Variants in CCDC91 observed in about 807,000 individuals in gnomAD.
CCDC91 encodes the protein coiled-coil domain-containing protein 91.
In CCDC91, 48 loss-of-function variants were observed where a neutral mutation model predicts 63.2. The ratio of observed to expected loss-of-function variants is 0.76; its 90% confidence interval spans 0.60 to 0.97. The LOEUF (loss-of-function observed/expected upper bound fraction) is 0.97. Among genes scored for constraint, CCDC91 ranks in the 50% least tolerant of loss-of-function variants. The pLI is 0.00. For synonymous variants in CCDC91, 167 were observed against 165.8 expected, an observed-to-expected ratio of 1.01 and a Z score of -0.06; for missense variants, 500 against 494.6, an observed-to-expected ratio of 1.01 and a Z score of -0.10.
At chr12:28,393,512 A>G (rs1315308656) in intron 8 of CCDC91, among the ~76,000 whole-genome samples, 2 of 151,952 alleles carry the variant, frequency 1.3e-5, no homozygotes, top group Non-Finnish European at 1.5e-5. Flanking sequence ...TGTTCATTTT[A>G]TCAAACTAGG....
chr12:28,494,626 G>A (rs1952184743), intron 12 of CCDC91, among the ~76,000 whole-genome samples: 1 of 151,784 alleles, frequency 6.6e-6, no homozygotes, highest in African/African-American at 2.4e-5. Flanking sequence ...CATACGTGAT[G>A]GTGAGACACT....
At chr12:28,375,340 C>T (rs888956882) in intron 7 of CCDC91, among the ~76,000 whole-genome samples, 15 of 150,924 alleles carry the variant, frequency 9.9e-5, no homozygotes, top group South Asian at 2.1e-4. Flanking sequence ...AATACTTTTT[C>T]ATTATCTCAT....
At chr12:28,426,578 T>G (rs1364660532) in intron 8 of CCDC91, among the ~76,000 whole-genome samples, 1 of 152,158 alleles carries the variant, frequency 6.6e-6, no homozygotes, top group Non-Finnish European at 1.5e-5. Context: ...GTTTGTAATT[T>G]TTGCCTTAGT....
intron 3 of CCDC91, among the ~76,000 whole-genome samples, chr12:28,292,883 A>C (rs1464498490): frequency 1.3e-5 from 2 of 152,170 alleles, no homozygotes; most frequent in Non-Finnish European, 2.9e-5. Flanking sequence ...GTTTATGTAC[A>C]ATAATACTTA....
intron 8 of CCDC91, among the ~76,000 whole-genome samples, chr12:28,432,061 TTC>T (rs1333746559): frequency 6.6e-6 from 1 of 152,040 alleles, no homozygotes; most frequent in Non-Finnish European, 1.5e-5. Context: ...GATAGATGAT[TTC>T]TTTTTTTCTT....
chr12:28,215,340 G>A (rs913124097), intron 1 of CCDC91, among the ~76,000 whole-genome samples: 1 of 152,042 alleles, frequency 6.6e-6, no homozygotes, highest in Non-Finnish European at 1.5e-5. Context: ...TGAAATTAAT[G>A]TTTCTCTCTT....
chr12:28,481,447 G>T (rs1158803031), intron 11 of CCDC91, among the ~76,000 whole-genome samples: 2 of 151,946 alleles, frequency 1.3e-5, no homozygotes. Context: ...AGAATTTCCT[G>T]TTTGAATGTA....
At chr12:28,213,379 G>T (rs1259303661) in intron 1 of CCDC91, among the ~76,000 whole-genome samples, 2 of 152,180 alleles carry the variant, frequency 1.3e-5, no homozygotes, top group African/African-American at 4.8e-5. Flanking sequence ...AAATGCTTAA[G>T]TTTTCTATTT....
At chr12:28,444,739 G>T (rs1949411148) in intron 8 of CCDC91, among the ~76,000 whole-genome samples, 2 of 152,126 alleles carry the variant, frequency 1.3e-5, no homozygotes, top group South Asian at 4.1e-4. Flanking sequence ...ACTGGGCTTA[G>T]TACTTTGGTG....
intron 11 of CCDC91, among the ~76,000 whole-genome samples, chr12:28,481,978 A>G (rs1452400836): frequency 6.6e-6 from 1 of 151,906 alleles, no homozygotes; most frequent in African/African-American, 2.4e-5. Flanking sequence ...TTTAGTTAAT[A>G]TGTTTCTTAT....
At chr12:28,322,853 G>C (rs1940648170) in intron 6 of CCDC91, among the ~76,000 whole-genome samples, 1 of 151,500 alleles carries the variant, frequency 6.6e-6, no homozygotes, top group Non-Finnish European at 1.5e-5. Flanking sequence ...TGCCTACTGG[G>C]TATTGCCAGA....
At chr12:28,521,288 A>G (rs1417239417) in intron 12 of CCDC91, among the ~76,000 whole-genome samples, 1 of 152,078 alleles carries the variant, frequency 6.6e-6, no homozygotes. Context: ...GGTCCTTCAC[A>G]TCCCTTGTAA....
chr12:28,462,397 T>C (rs1460630945), intron 11 of CCDC91, among the ~76,000 whole-genome samples: 1 of 152,102 alleles, frequency 6.6e-6, no homozygotes, highest in African/African-American at 2.4e-5. Context: ...GGCTAAGTTA[T>C]CACCTACCTA....
intron 12 of CCDC91, among the ~76,000 whole-genome samples, chr12:28,504,443 A>G (rs1938447347): frequency 6.6e-6 from 1 of 151,980 alleles, no homozygotes; most frequent in Non-Finnish European, 1.5e-5. Context: ...CTAATGGATC[A>G]GAGAACACTT....
chr12:28,393,402 G>T (rs1309386632), intron 8 of CCDC91, among the ~76,000 whole-genome samples: 1 of 147,984 alleles, frequency 6.8e-6, no homozygotes, highest in Non-Finnish European at 1.5e-5. Context: ...TTACTAGCCT[G>T]CCTTTGTAAA....
At chr12:28,349,995 G>C (rs1943072874) in intron 6 of CCDC91, among the ~76,000 whole-genome samples, 1 of 152,050 alleles carries the variant, frequency 6.6e-6, no homozygotes, top group Non-Finnish European at 1.5e-5. Flanking sequence ...AGTATTTTGG[G>C]TTTTCTGCAG....
At chr12:28,455,891 G>T (rs1371663461) in intron 11 of CCDC91, among the ~76,000 whole-genome samples, 1 of 152,012 alleles carries the variant, frequency 6.6e-6, no homozygotes, top group African/African-American at 2.4e-5. Context: ...CAGATGGGGA[G>T]ACTAAAGCTT....
At chr12:28,449,730 G>A (rs1949707481) in intron 8 of CCDC91, among the ~76,000 whole-genome samples, 2 of 151,706 alleles carry the variant, frequency 1.3e-5, no homozygotes, top group South Asian at 4.2e-4. Context: ...TGCCTTACTA[G>A]GAACACAAAT....
intron 6 of CCDC91, among the ~76,000 whole-genome samples, chr12:28,315,731 T>C (rs1939789575): frequency 6.6e-6 from 1 of 151,844 alleles, no homozygotes; most frequent in Non-Finnish European, 1.5e-5. Flanking sequence ...TAAATAAAGA[T>C]ATATAGTGAA....
Sources: allele counts gnomAD v4.1 joint callset (sites outside exome capture counted in the v4.1 genomes callset), GRCh38; gene constraint gnomAD v4.1.1; transcripts MANE v1.5; gene names NCBI Gene and HGNC (gene_info 2026-07-23, HGNC 2026-07-21).